FILIP1: variants seen among roughly 807,000 people sequenced by gnomAD.
FILIP1 encodes the protein filamin-A-interacting protein 1.
Under a neutral mutation model 102.1 loss-of-function variants are expected in FILIP1, and 61 were observed. The ratio of observed to expected loss-of-function variants is 0.60; its 90% CI spans 0.49 to 0.74. FILIP1 has a LOEUF of 0.74. FILIP1 is among the 30% of genes least tolerant of loss of function. The probability of loss-of-function intolerance (pLI) is 0.00; values close to 1 mark genes in which losing one functional copy is unlikely to be tolerated. For missense variants in FILIP1, 1,314 were observed against 1,441.2 expected, an observed-to-expected ratio of 0.91 and a Z score of 1.43; for synonymous variants, 491 against 526.9, an observed-to-expected ratio of 0.93 and a Z score of 0.93.
intron 2 of FILIP1, among the ~76,000 whole-genome samples, chr6:75,370,659 C>T (rs1775488618): frequency 6.7e-6 from 1 of 149,644 alleles, no homozygotes; most frequent in Non-Finnish European, 1.5e-5. Context: ...TCACTGCAAC[C>T]TCCACCTCCC....
Position 75,405,512 on chromosome 6 carries a change from T to C in FILIP1, c.276+9185A>G, listed in dbSNP as rs1278816944. On this transcript the variant is annotated intron_variant, in intron 2 of 5. Coordinates refer to ENST00000237172, the MANE Select transcript of FILIP1 (RefSeq NM_015687.5). Reference sequence around the variant, plus strand: ...TACTTAACTTCCCTTCACTTTGTTATAAATAAAGTTTCCGTGCTGCAAAAG... The same window carrying C: ...TACTTAACTTCCCTTCACTTTGTTACAAATAAAGTTTCCGTGCTGCAAAAG... Among the ~76,000 whole-genome samples, 14 of 152,348 alleles carry C rather than the reference T, an allele frequency of 9.2e-5. No individual in the cohort carries two copies. In the East Asian group the frequency reaches 2.7e-3, roughly 29 times the overall value.
At chr6:75,447,472 A>G (rs1778476224) in intron 1 of FILIP1, among the ~76,000 whole-genome samples, 1 of 152,156 alleles carries the variant, frequency 6.6e-6, no homozygotes, top group Non-Finnish European at 1.5e-5. Context: ...GATTCCACTG[A>G]CTATTTGAAG....
In FILIP1 at chr6:75,349,903, G is replaced by A. The variant is rs4289610; in HGVS notation, c.629+3636C>T. On this transcript the variant is annotated intron_variant, in intron 4 of 5. Transcript: ENST00000237172. ...AGCTCTCATAAGTAGATCTAATTATGACCGCTTACTTCAAAAAGAGGATTT... is the reference window on the plus strand; with the variant it reads ...AGCTCTCATAAGTAGATCTAATTATAACCGCTTACTTCAAAAAGAGGATTT... Among the ~76,000 whole-genome samples, 7 of 152,340 alleles carry A rather than the reference G, an allele frequency of 4.6e-5. No homozygotes were observed. In the East Asian group the frequency reaches 1.2e-3, roughly 25 times the overall value.
intron 4 of FILIP1, among the ~76,000 whole-genome samples, chr6:75,346,527 G>A (rs145597295): frequency 2.4e-4 from 37 of 152,222 alleles, no homozygotes; most frequent in Non-Finnish European, 4.6e-4. Flanking sequence ...CCAGAGGGGT[G>A]CCTGGTAGAT....
At position 75,362,929 on chromosome 6, in the gene FILIP1, A is replaced by G. The variant is rs759760865; in HGVS notation, c.277-12T>C. 23 of 1,611,494 alleles carry G rather than the reference A, an allele frequency of 1.4e-5. 1 individual carries two copies. The South Asian group carries it at 2.4e-4, about 17-fold the overall frequency. The stretch of plus-strand genomic sequence containing the variant: ...ACATCTTCTCTGGCCTGTAATAGAA[A>G]GTGCAGCAAGATCAGACGACTGACA... On this transcript the variant is annotated splice_polypyrimidine_tract_variant and intron_variant, in intron 2 of 5. Transcript: ENST00000237172.
intron 1 of FILIP1, among the ~76,000 whole-genome samples, chr6:75,459,058 A>G (rs1469943444): frequency 1.3e-5 from 2 of 152,224 alleles, no homozygotes; most frequent in African/African-American, 4.8e-5. Flanking sequence ...AATTCTTGCC[A>G]CATAAGGTTT....
At chr6:75,392,025 C>T (rs1247507728) in intron 2 of FILIP1, among the ~76,000 whole-genome samples, 1 of 152,168 alleles carries the variant, frequency 6.6e-6, no homozygotes, top group African/African-American at 2.4e-5. Flanking sequence ...CCATCAGCAG[C>T]ATCTGACACT....
At chr6:75,478,196 G>A (rs1047149854) in intron 1 of FILIP1, among the ~76,000 whole-genome samples, 1 of 152,154 alleles carries the variant, frequency 6.6e-6, no homozygotes, top group Non-Finnish European at 1.5e-5. Context: ...TAGATGATCA[G>A]CTTGGCTTAA....
intron 2 of FILIP1, among the ~76,000 whole-genome samples, chr6:75,400,818 A>G (rs150936541): frequency 1.3e-5 from 2 of 152,238 alleles, no homozygotes; most frequent in African/African-American, 4.8e-5. Context: ...CTTTACTTTT[A>G]GTGAAAGGGG....
rs565972025 is a variant in FILIP1, at chr6:75,393,534, A to G, written c.276+21163T>C. Among the ~76,000 whole-genome samples the G allele has an allele frequency of 2.6e-5, 4 of 152,352 alleles. No homozygotes were observed. The South Asian group carries it at 8.3e-4, about 32-fold the overall frequency. On this transcript the variant is annotated intron_variant, in intron 2 of 5. Coordinates refer to ENST00000237172, the MANE Select transcript of FILIP1 (RefSeq NM_015687.5). ...TCCACATGTAAAAACATATTATGCT[A>G]CAACAGTAATTAAAACAATATGGTA...
chr6:75,342,756 TCA>T (rs1301923705), intron 4 of FILIP1, among the ~76,000 whole-genome samples: 1 of 152,180 alleles, frequency 6.6e-6, no homozygotes, highest in African/African-American at 2.4e-5. Flanking sequence ...TCCAAGTCAG[TCA>T]CAGTTTCATG....
rs1270488223 is a variant in FILIP1, at chr6:75,412,616, C to A, written c.276+2081G>T. Among the ~76,000 whole-genome samples the A allele has an allele frequency of 2.0e-5, 3 of 152,126 alleles. 1 individual carries two copies. The highest frequency in any genetic ancestry group is 2.0e-4 in the Admixed American group (3 of 15,260). The stretch of plus-strand genomic sequence containing the variant: ...CTCCCTCCCACTCTTAGCTACAACA[C>A]CTCCCATATGACAATGCTACTAGAA... On this transcript the variant is annotated intron_variant, in intron 2 of 5. Transcript: ENST00000237172.
At position 75,389,895 on chromosome 6, in the gene FILIP1, C is replaced by T. The variant is rs1193421589; in HGVS notation, c.276+24802G>A. 3.3e-5 allele frequency among the ~76,000 whole-genome samples: 5 copies of T among 152,126 alleles called. No homozygotes were observed. In the South Asian group the frequency reaches 8.3e-4, roughly 25 times the overall value. On this transcript the variant is annotated intron_variant, in intron 2 of 5. Coordinates refer to ENST00000237172, the MANE Select transcript of FILIP1 (RefSeq NM_015687.5). ...AAACTCACATTCAACCACAAGTAAA[C>T]TCCCATCAGTTCACAAACTCTTCTG...
At chr6:75,297,422 G>C (rs1460827481) in intron 6 of FILIP1, among the ~76,000 whole-genome samples, 1 of 151,960 alleles carries the variant, frequency 6.6e-6, no homozygotes, top group African/African-American at 2.4e-5. Context: ...TCAGCCTTTT[G>C]GCTTGAATTT....
At chr6:75,339,236 T>A (rs182273114) in intron 4 of FILIP1, among the ~76,000 whole-genome samples, 164 of 152,372 alleles carry the variant, frequency 1.1e-3, no homozygotes, top group African/African-American at 3.8e-3. Flanking sequence ...GGACTGTTTA[T>A]TATTTCCTGA....
intron 3 of FILIP1, among the ~76,000 whole-genome samples, chr6:75,357,865 T>A (rs1034477527): frequency 6.6e-6 from 1 of 152,172 alleles, no homozygotes; most frequent in Non-Finnish European, 1.5e-5. Context: ...GAAGACTATA[T>A]CCCATAACTA....
Position 75,371,290 on chromosome 6 carries a change from G to C in FILIP1, c.277-8373C>G, listed in dbSNP as rs1775508897. 2.6e-5 allele frequency among the ~76,000 whole-genome samples: 4 copies of C among 152,094 alleles called. No homozygotes were observed. The South Asian group carries it at 6.2e-4, about 24-fold the overall frequency. ...CAATAGTAGCCTAAAAGCCTATATA[G>C]AGCTTGTTCATAAAAGAGTAGCACT... On this transcript the variant is annotated intron_variant, in intron 2 of 5. Transcript: ENST00000237172.
chr6:75,394,416 A>G (rs1461388701), intron 2 of FILIP1, among the ~76,000 whole-genome samples: 1 of 152,200 alleles, frequency 6.6e-6, no homozygotes, highest in Non-Finnish European at 1.5e-5. Flanking sequence ...CAGAAGCCAT[A>G]AAACAAAAAT....
chr6:75,355,994 A>G (rs751265533), intron 3 of FILIP1, among the ~76,000 whole-genome samples: 1 of 152,168 alleles, frequency 6.6e-6, no homozygotes, highest in Non-Finnish European at 1.5e-5. Flanking sequence ...ACTAGATGCC[A>G]GTAAGCCCCA....
Sources: gnomAD v4.1 joint callset for allele counts (sites outside exome capture counted in the v4.1 genomes callset) on GRCh38, gnomAD v4.1.1 for gene constraint, MANE v1.5 for transcripts, NCBI Gene and HGNC (gene_info 2026-07-23, HGNC 2026-07-21) for gene names.